Variants in ABCA13 observed in about 807,000 individuals in gnomAD.
The protein encoded by ABCA13 is ATP-binding cassette sub-family A member 13.
Under a neutral mutation model 478.7 loss-of-function variants are expected in ABCA13, and 476 were observed. The observed-to-expected ratio is 0.99, with a 90% CI of 0.92 to 1.07. The LOEUF is 1.07. ABCA13 is among the 50% of genes least tolerant of loss of function. ABCA13 has a pLI of 0.00. For synonymous variants in ABCA13, 2,252 were observed against 2,158.9 expected (o/e 1.04, Z -1.20); for missense variants, 6,060 against 5,910.6 (o/e 1.03, Z -0.83).
At chr7:48,343,474 CT>C (rs1474844005) in intron 29 of ABCA13, among the ~76,000 whole-genome samples, 1 of 152,168 alleles carries the variant, frequency 6.6e-6, no homozygotes, top group Non-Finnish European at 1.5e-5. Context: ...GAGACTCAGC[CT>C]CTCAGTTTTT....
intron 31 of ABCA13, among the ~76,000 whole-genome samples, chr7:48,365,651 C>T (rs1189206839): frequency 1.3e-5 from 2 of 152,096 alleles, no homozygotes; most frequent in South Asian, 2.1e-4. Context: ...TCAGTTTTTC[C>T]AGCATCATTT....
intron 31 of ABCA13, among the ~76,000 whole-genome samples, chr7:48,353,839 C>T (rs948991983): frequency 2.6e-5 from 4 of 152,038 alleles, no homozygotes; most frequent in Middle Eastern, 3.4e-3. Context: ...GAGACTAAGG[C>T]GACATTTTCA....
intron 47 of ABCA13, among the ~76,000 whole-genome samples, chr7:48,486,673 G>A (rs1175472347): frequency 2.0e-5 from 3 of 152,120 alleles, no homozygotes; most frequent in African/African-American, 7.2e-5. Flanking sequence ...CAATTTCAAA[G>A]CTCAGTGGCC....
intron 35 of ABCA13, among the ~76,000 whole-genome samples, chr7:48,377,054 G>T (rs1473260494): frequency 6.6e-6 from 1 of 152,108 alleles, no homozygotes; most frequent in Non-Finnish European, 1.5e-5. Flanking sequence ...GGACAGGGTG[G>T]GCTGGGAGTG....
chr7:48,242,396 C>G (rs978838592), intron 10 of ABCA13, among the ~76,000 whole-genome samples: 1 of 152,054 alleles, frequency 6.6e-6, no homozygotes, highest in African/African-American at 2.4e-5. Context: ...AGATGAGGCC[C>G]AAACACTGGC....
At chr7:48,198,100 C>A in intron 2 of ABCA13, 137 bp from the exon 3 acceptor site, 1 of 873,386 alleles carries the variant, frequency 1.1e-6, no homozygotes, top group Non-Finnish European at 1.6e-6. Context: ...TTGTCTGAGC[C>A]CTTAGATCTC....
At chr7:48,379,036 G>C (rs750065905) in intron 35 of ABCA13, among the ~76,000 whole-genome samples, 2 of 151,850 alleles carry the variant, frequency 1.3e-5, no homozygotes, top group Non-Finnish European at 2.9e-5. Context: ...CAGCTAGTTA[G>C]GAAAAAAGAT....
chr7:48,288,448 A>G (rs1202574949), intron 20 of ABCA13, among the ~76,000 whole-genome samples: 1 of 152,216 alleles, frequency 6.6e-6, no homozygotes, highest in Non-Finnish European at 1.5e-5. Flanking sequence ...TAATTATTTT[A>G]GTATGTTTTA....
rs746983615 is a variant in ABCA13, at chr7:48,516,809, C to T, written c.13725C>T (p.Asn4575=). The T allele has an allele frequency of 6.2e-7, 1 of 1,613,836 alleles. No individual in the cohort carries two copies. The highest frequency in any genetic ancestry group is 8.5e-7 in the Non-Finnish European group (1 of 1,179,766). Reference sequence around the variant, plus strand: ...CTTTCATTTCCTATGTCTCACTAAACTTCATCTTTGGCCTTTGTACCATGC... The same window carrying T: ...CTTTCATTTCCTATGTCTCACTAAATTTCATCTTTGGCCTTTGTACCATGC... ...DVAFISYVSL[N]FIFGLCTMLI... Residue 4575 remains asparagine, a synonymous_variant, in exon 52 of 62, where the codon AAC becomes AAT. Transcript: ENST00000435803.
At chr7:48,244,532 G>A (rs754960114) in intron 10 of ABCA13, 44 bp from the exon 11 acceptor site, 136 of 1,583,668 alleles carry the variant, frequency 8.6e-5, no homozygotes, top group Admixed American at 1.1e-4. Flanking sequence ...TTGGCACTTC[G>A]AACTACTTTT....
At chr7:48,356,091 A>T (rs959971099) in intron 31 of ABCA13, among the ~76,000 whole-genome samples, 16 of 151,944 alleles carry the variant, frequency 1.1e-4, no homozygotes, top group African/African-American at 3.9e-4. Context: ...GCAGGAGGAA[A>T]ACCTACAGAG....
chr7:48,245,775 C>A, intron 12 of ABCA13, 88 bp from the exon 13 acceptor site: 1 of 1,451,404 alleles, frequency 6.9e-7, no homozygotes, highest in Non-Finnish European at 9.3e-7. Context: ...TTTATCATTG[C>A]TTATTATATT....
In ABCA13 at chr7:48,367,815, C is replaced by G; in HGVS notation, c.10710C>G (p.Phe3570Leu). Residue 3570 changes from phenylalanine to leucine, a missense_variant, in exon 32 of 62, where the codon TTC (phenylalanine) becomes TTG (leucine). Phe to Leu is a conservative substitution (Grantham distance 22, BLOSUM62 0). Coordinates refer to ENST00000435803, the MANE Select transcript of ABCA13 (RefSeq NM_152701.5). ...ACAGATTCCTGAACAACGTTGGTTT[C>G]TTTTTTCCACTGATAATGATGCTGA... Reference protein sequence around the residue: ...TSDLFLNNVGFFFPLIMMLTW... With the variant: ...TSDLFLNNVGLFFPLIMMLTW... 6.4e-7 allele frequency: 1 copy of G among 1,569,518 alleles called. No individual in the cohort carries two copies. Among genetic ancestry groups the G allele is most frequent in the Non-Finnish European group, 8.7e-7 (1 of 1,155,882 alleles).
chr7:48,495,436 G>A (rs761253078), intron 48 of ABCA13, among the ~76,000 whole-genome samples: 3 of 152,090 alleles, frequency 2.0e-5, no homozygotes, highest in Non-Finnish European at 2.9e-5. Flanking sequence ...TAAATTGGTT[G>A]AAGTTCATTT....
At chr7:48,464,741 C>A (rs1337603365) in intron 43 of ABCA13, among the ~76,000 whole-genome samples, 1 of 152,098 alleles carries the variant, frequency 6.6e-6, no homozygotes, top group Non-Finnish European at 1.5e-5. Context: ...CAACTTGGTT[C>A]GACACATCAT....
intron 42 of ABCA13, among the ~76,000 whole-genome samples, chr7:48,449,044 T>C (rs1156733780): frequency 2.0e-5 from 3 of 152,132 alleles, no homozygotes; most frequent in East Asian, 3.9e-4. Context: ...GATTTCACCA[T>C]GTTGGCCAGG....
chr7:48,454,627 G>C (rs1377184872), intron 42 of ABCA13, among the ~76,000 whole-genome samples: 1 of 152,132 alleles, frequency 6.6e-6, no homozygotes, highest in Non-Finnish European at 1.5e-5. Context: ...GGAAAAGCAG[G>C]CCGTGGGGTT....
chr7:48,512,807 G>C (rs980608147), intron 51 of ABCA13, among the ~76,000 whole-genome samples: 1 of 152,142 alleles, frequency 6.6e-6, no homozygotes, highest in Non-Finnish European at 1.5e-5. Context: ...AGATTCACAG[G>C]TCTGTTGAAG....
At chr7:48,335,178 C>T (rs148321859) in intron 27 of ABCA13, among the ~76,000 whole-genome samples, 20 of 152,296 alleles carry the variant, frequency 1.3e-4, no homozygotes, top group African/African-American at 4.6e-4. Context: ...GTGACTCTAA[C>T]ACTGGCGAGA....
Sources: gnomAD v4.1 joint callset for allele counts (sites outside exome capture counted in the v4.1 genomes callset) on GRCh38, gnomAD v4.1.1 for gene constraint, MANE v1.5 for transcripts, NCBI Gene and HGNC (gene_info 2026-07-23, HGNC 2026-07-21) for gene names.